Variants in SNX29 observed in about 807,000 individuals in gnomAD.
The protein encoded by SNX29 is sorting nexin 29, also known as sorting nexin-29.
SNX29 carries 78 observed loss-of-function variants against 102.1 expected under a neutral mutation model. The ratio of observed to expected loss-of-function variants is 0.76; its 90% CI spans 0.64 to 0.92. SNX29 has a LOEUF of 0.92. SNX29 is among the 40% of genes least tolerant of loss of function. The pLI is 0.00. For synonymous variants in SNX29, 580 were observed against 414.5 expected, an observed-to-expected ratio of 1.40 and a Z score of -4.85; for missense variants, 1,280 against 1,061.7, an observed-to-expected ratio of 1.21 and a Z score of -2.86.
intron 11 of SNX29, among the ~76,000 whole-genome samples, chr16:12,122,608 G>T (rs948189478): frequency 1.3e-5 from 2 of 152,116 alleles, no homozygotes; most frequent in African/African-American, 4.8e-5. Context: ...AGTATGGTTG[G>T]AGTCTAACCA....
At chr16:12,277,768 A>T (rs1410954436) in intron 14 of SNX29, among the ~76,000 whole-genome samples, 165 bp from the exon 15 acceptor site, 1 of 152,168 alleles carries the variant, frequency 6.6e-6, no homozygotes, top group Non-Finnish European at 1.5e-5. Flanking sequence ...TACTTAGGTG[A>T]AAATGTCCCA....
intron 14 of SNX29, among the ~76,000 whole-genome samples, chr16:12,268,181 C>T (rs905374828): frequency 6.6e-6 from 1 of 152,228 alleles, no homozygotes; most frequent in East Asian, 1.9e-4. Context: ...TCCTCTAGCC[C>T]TTCCTCTGGC....
intron 13 of SNX29, among the ~76,000 whole-genome samples, chr16:12,180,736 C>T (rs943690573): frequency 6.6e-5 from 10 of 152,166 alleles, no homozygotes; most frequent in African/African-American, 2.4e-4. Context: ...CCACCGGCCT[C>T]GGCCTCCCAA....
chr16:12,172,797 A>G (rs1364229598), intron 13 of SNX29, among the ~76,000 whole-genome samples: 2 of 152,196 alleles, frequency 1.3e-5, no homozygotes, highest in Non-Finnish European at 2.9e-5. Flanking sequence ...AAAGAGGTAA[A>G]GTAATGGATG....
intron 20 of SNX29, among the ~76,000 whole-genome samples, chr16:12,538,777 C>G (rs554110926): frequency 6.6e-6 from 1 of 152,210 alleles, no homozygotes; most frequent in Non-Finnish European, 1.5e-5. Flanking sequence ...GAGCATGTCA[C>G]ATCGCCAAGG....
At chr16:12,543,880 A>G (rs1597864444) in intron 20 of SNX29, among the ~76,000 whole-genome samples, 1 of 152,224 alleles carries the variant, frequency 6.6e-6, no homozygotes, top group Admixed American at 6.5e-5. Context: ...CCACACTACA[A>G]GAGCTTGCGT....
At chr16:12,552,890 G>A (rs1043459493) in intron 20 of SNX29, among the ~76,000 whole-genome samples, 4 of 152,222 alleles carry the variant, frequency 2.6e-5, no homozygotes, top group African/African-American at 9.6e-5. Context: ...TGGACATGGA[G>A]GCAGGAGATA....
At chr16:12,114,526 T>C (rs2053617778) in intron 11 of SNX29, among the ~76,000 whole-genome samples, 1 of 151,980 alleles carries the variant, frequency 6.6e-6, no homozygotes, top group African/African-American at 2.4e-5. Flanking sequence ...TGGGTTCCAG[T>C]GTCAGATGGC....
At chr16:12,492,730 G>A (rs2088614744) in intron 19 of SNX29, among the ~76,000 whole-genome samples, 1 of 152,158 alleles carries the variant, frequency 6.6e-6, no homozygotes, top group Non-Finnish European at 1.5e-5. Flanking sequence ...AAGGGATCCA[G>A]TTTCAGCTTT....
chr16:12,318,437 G>A (rs2080825064), intron 15 of SNX29, among the ~76,000 whole-genome samples: 2 of 152,200 alleles, frequency 1.3e-5, no homozygotes, highest in Admixed American at 1.3e-4. Flanking sequence ...AGTCGGGAAC[G>A]TGACTTGGAT....
At chr16:12,524,970 A>T in intron 20 of SNX29, 129 bp downstream of exon 20, 2 of 1,338,164 alleles carry the variant, frequency 1.5e-6, no homozygotes, top group Non-Finnish European at 2.0e-6. Context: ...GGCGAACTCC[A>T]GGGGCTGTTC....
chr16:12,571,449 C>G lies in SNX29; in HGVS notation c.*2820C>G, dbSNP rs898518397. 2 of 239,180 alleles carry G rather than the reference C, an allele frequency of 8.4e-6. No homozygotes were observed. The highest frequency in any genetic ancestry group is 1.6e-5 in the Non-Finnish European group (2 of 124,060). The allele number at this position is 239,180 out of a possible 1,614,324, so 14.8% of individuals were successfully genotyped here. On this transcript the variant is annotated 3_prime_UTR_variant, in exon 21 of 21. Transcript: ENST00000566228. ...AGATTACTCGGAGATTTTCAAACAA[C>G]ATCTGAGAACAGAAGCCCCCTCCCC...
At chr16:12,540,726 G>C (rs559401685) in intron 20 of SNX29, among the ~76,000 whole-genome samples, 4 of 152,198 alleles carry the variant, frequency 2.6e-5, no homozygotes, top group Admixed American at 6.5e-5. Context: ...GGGATGAAGA[G>C]CTGGGCATCC....
At chr16:12,130,159 A>T (rs1034482673) in intron 13 of SNX29, among the ~76,000 whole-genome samples, 1 of 147,248 alleles carries the variant, frequency 6.8e-6, no homozygotes, top group African/African-American at 2.5e-5. Flanking sequence ...ACCTGAGCAC[A>T]CGTTCACCTG....
chr16:12,366,856 T>A (rs2082503090), intron 16 of SNX29: 1 of 151,848 alleles, frequency 6.6e-6, no homozygotes, highest in South Asian at 2.1e-4. Context: ...TCTCTCTCTT[T>A]CTTTTCCTCT....
chr16:12,504,187 A>C (rs2089263756), intron 19 of SNX29, among the ~76,000 whole-genome samples: 1 of 152,190 alleles, frequency 6.6e-6, no homozygotes, highest in African/African-American at 2.4e-5. Context: ...TTCTTAGCAT[A>C]ATATTTTCAA....
At chr16:12,248,430 C>G (rs942288892) in intron 14 of SNX29, among the ~76,000 whole-genome samples, 23 of 150,310 alleles carry the variant, frequency 1.5e-4, no homozygotes, top group Non-Finnish European at 3.1e-4. Flanking sequence ...CAGTCTCACT[C>G]TATCACCCAG....
intron 11 of SNX29, among the ~76,000 whole-genome samples, chr16:12,093,273 G>C (rs1322574225): frequency 6.6e-6 from 1 of 152,144 alleles, no homozygotes; most frequent in Non-Finnish European, 1.5e-5. Context: ...CAATGTGTTG[G>C]GATGGAAAGA....
chr16:12,367,421 G>A (rs937182886), intron 16 of SNX29: 1 of 152,234 alleles, frequency 6.6e-6, no homozygotes, highest in African/African-American at 2.4e-5. Context: ...TCCTCGCTGT[G>A]AGCCGTCTGT....
Sources: allele counts gnomAD v4.1 joint callset (sites outside exome capture counted in the v4.1 genomes callset), GRCh38; gene constraint gnomAD v4.1.1; transcripts MANE v1.5; gene names NCBI Gene and HGNC (gene_info 2026-07-23, HGNC 2026-07-21).